RARB: variants seen among roughly 807,000 people sequenced by gnomAD.
RARB encodes the protein retinoic acid receptor beta.
RARB carries 17 observed loss-of-function variants against 51.9 expected under a neutral mutation model. That is an observed-to-expected ratio of 0.33 (90% CI 0.22 to 0.49). The LOEUF (loss-of-function observed/expected upper bound fraction) is 0.49. Among genes scored for constraint, RARB ranks in the 20% least tolerant of loss-of-function variants. The probability of loss-of-function intolerance (pLI) is 0.99; values close to 1 mark genes in which losing one functional copy is unlikely to be tolerated. For missense variants in RARB, 369 were observed against 550.8 expected, an observed-to-expected ratio of 0.67 and a Z score of 3.30; for synonymous variants, 215 against 195.4, an observed-to-expected ratio of 1.10 and a Z score of -0.84.
chr3:25,533,921 G>A (rs1699028806), intron 3 of RARB, among the ~76,000 whole-genome samples: 1 of 152,152 alleles, frequency 6.6e-6, no homozygotes, highest in African/African-American at 2.4e-5. Context: ...ACTTGTGATG[G>A]TGAGACTCAT....
chr3:25,146,665 C>A lies in RARB; in HGVS notation c.-280+14457C>A, dbSNP rs944408448. ...TGGGACTAGCGCCTGCCACCGCGCC[C>A]GGCTAATTTTTTGTGGGGTTTTTTT... On this transcript the variant is annotated intron_variant, in intron 4 of 11. Transcript: ENST00000383772. Among the ~76,000 whole-genome samples the A allele has an allele frequency of 6.6e-5, 10 of 150,416 alleles. No homozygotes were observed. In the East Asian group the frequency reaches 1.2e-3, roughly 18 times the overall value.
At chr3:25,303,704 T>C (rs1559350438) in intron 5 of RARB, among the ~76,000 whole-genome samples, 1 of 152,220 alleles carries the variant, frequency 6.6e-6, no homozygotes, top group Non-Finnish European at 1.5e-5. Flanking sequence ...TTTCCTTCTT[T>C]GTGAAACTGG....
Position 25,336,742 on chromosome 3 carries a change from C to T in RARB, c.179-124451C>T, listed in dbSNP as rs1705074605. Among the ~76,000 whole-genome samples, 2 of 152,084 alleles carry T rather than the reference C, an allele frequency of 1.3e-5. 1 individual carries two copies. Among genetic ancestry groups the T allele is most frequent in the South Asian group, 4.1e-4 (2 of 4,820 alleles). On this transcript the variant is annotated intron_variant, in intron 5 of 11. Transcript: ENST00000383772. ...TAATCCTAGGTTTAGTGCCAATTAC[C>T]TAAAGGTTAATGTGGCCAAGCAATA...
intron 4 of RARB, among the ~76,000 whole-genome samples, chr3:25,578,877 G>C (rs1559476966): frequency 6.6e-6 from 1 of 152,342 alleles, no homozygotes; most frequent in East Asian, 1.9e-4. Context: ...AAAGATATCA[G>C]TTTGAGAAAC....
At chr3:24,851,436 A>AG (rs1243801823) in intron 1 of RARB, among the ~76,000 whole-genome samples, 2 of 151,980 alleles carry the variant, frequency 1.3e-5, no homozygotes, top group African/African-American at 4.8e-5. Context: ...TCAAAAAAAA[A>AG]AAAAAAAGGA....
intron 1 of RARB, chr3:25,441,259 G>A: frequency 2.4e-6 from 1 of 408,718 alleles, no homozygotes; most frequent in Non-Finnish European, 4.7e-6. Context: ...CTTGGCTCCT[G>A]CAAAGCACCA....
intron 3 of RARB, among the ~76,000 whole-genome samples, chr3:25,103,647 C>T (rs1202525504): frequency 6.6e-6 from 1 of 152,212 alleles, no homozygotes; most frequent in African/African-American, 2.4e-5. Context: ...GATCTTTTCT[C>T]AGCTAATCCT....
At chr3:25,434,340 T>A (rs1006524353) in intron 1 of RARB, among the ~76,000 whole-genome samples, 4 of 152,304 alleles carry the variant, frequency 2.6e-5, no homozygotes, top group Middle Eastern at 3.4e-3. Context: ...ATTCTGAGAT[T>A]ATAATTGTCA....
intron 5 of RARB, among the ~76,000 whole-genome samples, chr3:25,208,314 T>C (rs1202942915): frequency 6.6e-6 from 1 of 152,210 alleles, no homozygotes; most frequent in Non-Finnish European, 1.5e-5. Context: ...TTTTTTCTTA[T>C]TCTAATATTC....
intron 2 of RARB, among the ~76,000 whole-genome samples, chr3:24,934,223 T>G (rs1256678480): frequency 6.6e-6 from 1 of 152,112 alleles, no homozygotes; most frequent in African/African-American, 2.4e-5. Flanking sequence ...TTGTGGCTCT[T>G]CCTAGAGTGA....
rs79116543 is a variant in RARB, at chr3:25,387,721, T to A, written c.179-73472T>A. On this transcript the variant is annotated intron_variant, in intron 5 of 11. Coordinates refer to the RARB transcript ENST00000383772. ...TCTTGGGGTCTTTTGACCACACACA[T>A]AATGAGGTCTCACTTCAGCAATGTC... 1.0e-2 allele frequency among the ~76,000 whole-genome samples: 1,520 copies of A among 152,226 alleles called. 14 individuals carry two copies. The highest frequency in any genetic ancestry group is 0.016 in the Non-Finnish European group (1,118 of 68,008).
intron 5 of RARB, among the ~76,000 whole-genome samples, chr3:25,188,489 G>A (rs770074669): frequency 1.3e-5 from 2 of 152,088 alleles, no homozygotes; most frequent in Non-Finnish European, 2.9e-5. Context: ...AGGTTTATTA[G>A]CATTTTGAAG....
chr3:24,922,075 T>C (rs1264771636), intron 2 of RARB, among the ~76,000 whole-genome samples: 1 of 152,112 alleles, frequency 6.6e-6, no homozygotes, highest in East Asian at 1.9e-4. Flanking sequence ...AGGTGTCATT[T>C]CTCCATGTGT....
chr3:25,052,864 A>C (rs1698365147), intron 2 of RARB, among the ~76,000 whole-genome samples: 1 of 151,826 alleles, frequency 6.6e-6, no homozygotes, highest in Non-Finnish European at 1.5e-5. Context: ...GTGGGGTCAC[A>C]AGTGAGAGGT....
chr3:25,561,732 C>T (rs922769561), intron 3 of RARB, among the ~76,000 whole-genome samples: 14 of 152,032 alleles, frequency 9.2e-5, no homozygotes, highest in Non-Finnish European at 2.1e-4. Flanking sequence ...AGTTCATTTG[C>T]TAAAAATGTA....
At chr3:24,940,697 G>T (rs919322330) in intron 2 of RARB, among the ~76,000 whole-genome samples, 3 of 152,158 alleles carry the variant, frequency 2.0e-5, no homozygotes, top group Non-Finnish European at 2.9e-5. Context: ...CGGAGGGAAA[G>T]GCATGGACCA....
intron 5 of RARB, among the ~76,000 whole-genome samples, chr3:25,584,581 A>G (rs867980363): frequency 3.3e-5 from 5 of 152,112 alleles, no homozygotes; most frequent in African/African-American, 9.7e-5. Flanking sequence ...GGGCAGAGGA[A>G]GCCCCGGCAG....
chr3:25,162,746 A>G (rs574007810), intron 4 of RARB, among the ~76,000 whole-genome samples: 25 of 152,362 alleles, frequency 1.6e-4, no homozygotes, highest in Non-Finnish European at 3.7e-4. Context: ...GTAATAGAAC[A>G]ATCCCTACTT....
intron 5 of RARB, among the ~76,000 whole-genome samples, chr3:25,216,808 C>G (rs1320935942): frequency 6.6e-6 from 1 of 151,066 alleles, no homozygotes; most frequent in Non-Finnish European, 1.5e-5. Context: ...ATTTAGAGCT[C>G]TTTTAGTCTA....
Sources: allele counts gnomAD v4.1 joint callset (sites outside exome capture counted in the v4.1 genomes callset), GRCh38; gene constraint gnomAD v4.1.1; transcripts MANE v1.5; gene names NCBI Gene and HGNC (gene_info 2026-07-23, HGNC 2026-07-21).